Variants in AGBL4 observed in about 807,000 individuals in gnomAD.
AGBL4 encodes the protein cytosolic carboxypeptidase 6.
A neutral mutation model predicts 66.4 loss-of-function variants in AGBL4; 58 were observed. That is an observed-to-expected ratio of 0.87 (90% CI 0.71 to 1.09). AGBL4 has a LOEUF of 1.09. Ranked by LOEUF, AGBL4 falls within the 50% of genes least tolerant of loss-of-function variation. The pLI is 0.00. For missense variants in AGBL4, 579 were observed against 631.0 expected, an observed-to-expected ratio of 0.92 and a Z score of 0.88; for synonymous variants, 234 against 222.9, an observed-to-expected ratio of 1.05 and a Z score of -0.44.
At chr1:48,591,057 CTA>C in intron 9 of AGBL4, 72 bp from the exon 10 acceptor site, 1 of 1,324,850 alleles carries the variant, frequency 7.5e-7, no homozygotes, top group Non-Finnish European at 1.0e-6. Flanking sequence ...AGACACTACA[CTA>C]CACACACACA....
At chr1:48,664,596 G>T (rs773315078) in intron 6 of AGBL4, among the ~76,000 whole-genome samples, 23 of 149,856 alleles carry the variant, frequency 1.5e-4, no homozygotes, top group Non-Finnish European at 2.7e-4. Context: ...GAGAGTCAAA[G>T]CAATGTATAA....
intron 3 of AGBL4, among the ~76,000 whole-genome samples, chr1:49,371,284 CAT>C (rs35202273): frequency 3.3e-5 from 5 of 151,864 alleles, no homozygotes; most frequent in East Asian, 1.9e-4. Context: ...TACATACATA[CAT>C]ACACACACAC....
chr1:48,654,567 C>A (rs748880665), intron 7 of AGBL4, among the ~76,000 whole-genome samples: 1 of 152,208 alleles, frequency 6.6e-6, no homozygotes, highest in Non-Finnish European at 1.5e-5. Context: ...GGGCCCCGTT[C>A]CTGCTGGAGA....
At chr1:48,823,956 ATGG>A (rs1414948128) in intron 6 of AGBL4, among the ~76,000 whole-genome samples, 1 of 151,804 alleles carries the variant, frequency 6.6e-6, no homozygotes, top group Non-Finnish European at 1.5e-5. Context: ...AGAGAAAAGG[ATGG>A]TGGGACAAAA....
intron 3 of AGBL4, among the ~76,000 whole-genome samples, chr1:49,673,513 C>T (rs996304699): frequency 2.6e-5 from 4 of 152,106 alleles, no homozygotes; most frequent in African/African-American, 7.2e-5. Flanking sequence ...CCCCATTCTT[C>T]GTGATGTGCT....
At chr1:49,801,125 G>C (rs1444129637) in intron 2 of AGBL4, among the ~76,000 whole-genome samples, 2 of 152,144 alleles carry the variant, frequency 1.3e-5, no homozygotes, top group Non-Finnish European at 1.5e-5. Context: ...CTGGCCATCA[G>C]AGAAATGCAA....
At chr1:48,746,056 C>T (rs1399785735) in intron 6 of AGBL4, among the ~76,000 whole-genome samples, 1 of 152,144 alleles carries the variant, frequency 6.6e-6, no homozygotes, top group Non-Finnish European at 1.5e-5. Flanking sequence ...ACATTCTATC[C>T]TCAAGAGATA....
intron 2 of AGBL4, among the ~76,000 whole-genome samples, chr1:49,721,511 G>A (rs149648577): frequency 8.3e-4 from 127 of 152,196 alleles, no homozygotes; most frequent in African/African-American, 2.9e-3. Context: ...ATAATGCAAG[G>A]GATATTAGGA....
intron 6 of AGBL4, among the ~76,000 whole-genome samples, chr1:48,796,628 C>T (rs1288582668): frequency 3.3e-5 from 5 of 152,182 alleles, no homozygotes; most frequent in Non-Finnish European, 5.9e-5. Flanking sequence ...TGAGTACCCA[C>T]GTTCATCTGC....
intron 5 of AGBL4, among the ~76,000 whole-genome samples, chr1:48,928,240 C>T (rs953582363): frequency 1.2e-4 from 18 of 152,136 alleles, no homozygotes; most frequent in African/African-American, 4.3e-4. Context: ...CTTCCAGTAG[C>T]TAGAATGAAA....
chr1:48,715,331 C>G lies in AGBL4; in HGVS notation c.635-52090G>C, dbSNP rs544676601. ...CTTCTTGATGTCCCTGAGTGTCCCA[C>G]ATGGCTTCAATCCAGCCCAGTAACA... On this transcript the variant is annotated intron_variant, in intron 6 of 13. Transcript: ENST00000371839. 2.0e-5 allele frequency among the ~76,000 whole-genome samples: 3 copies of G among 152,350 alleles called. No individual in the cohort carries two copies. In the East Asian group the frequency reaches 5.8e-4, roughly 29 times the overall value.
chr1:49,577,205 C>G (rs1232942361), intron 3 of AGBL4, among the ~76,000 whole-genome samples: 1 of 152,174 alleles, frequency 6.6e-6, no homozygotes, highest in Non-Finnish European at 1.5e-5. Flanking sequence ...GTGACCTCAG[C>G]AGAGGAGGAT....
At chr1:49,723,204 G>C (rs1648742991) in intron 2 of AGBL4, among the ~76,000 whole-genome samples, 2 of 151,840 alleles carry the variant, frequency 1.3e-5, no homozygotes, top group African/African-American at 4.8e-5. Context: ...TGTTTTCCCA[G>C]AGCACTCAAC....
chr1:49,852,731 A>C (rs1377335916), intron 1 of AGBL4, among the ~76,000 whole-genome samples: 1 of 152,170 alleles, frequency 6.6e-6, no homozygotes. Flanking sequence ...ATTCATCACT[A>C]TAAATGGATA....
intron 1 of AGBL4, among the ~76,000 whole-genome samples, chr1:49,858,710 C>T (rs1311222963): frequency 2.6e-5 from 4 of 152,062 alleles, no homozygotes; most frequent in South Asian, 2.1e-4. Context: ...ACACCTAACA[C>T]CACCACTTGA....
chr1:50,021,263 C>A (rs866996995), intron 1 of AGBL4, among the ~76,000 whole-genome samples: 1 of 152,164 alleles, frequency 6.6e-6, no homozygotes, highest in South Asian at 2.1e-4. Flanking sequence ...AATATTGCAG[C>A]TACTCAACAC....
intron 5 of AGBL4, among the ~76,000 whole-genome samples, chr1:48,965,152 A>G (rs1658315032): frequency 6.6e-6 from 1 of 152,174 alleles, no homozygotes; most frequent in Admixed American, 6.5e-5. Flanking sequence ...GTTCTAAGAT[A>G]TAAACAGGTA....
chr1:49,790,542 A>T (rs979705303), intron 2 of AGBL4, among the ~76,000 whole-genome samples: 23 of 152,160 alleles, frequency 1.5e-4, no homozygotes, highest in Admixed American at 1.2e-3. Flanking sequence ...GTGATAATAA[A>T]TAACAGTTGA....
intron 5 of AGBL4, among the ~76,000 whole-genome samples, chr1:49,040,944 G>C (rs1439412542): frequency 1.3e-5 from 2 of 151,988 alleles, no homozygotes; most frequent in Non-Finnish European, 1.5e-5. Flanking sequence ...CCTCAATAAA[G>C]CTATTAAAAC....
Sources: allele counts gnomAD v4.1 joint callset (sites outside exome capture counted in the v4.1 genomes callset), GRCh38; gene constraint gnomAD v4.1.1; transcripts MANE v1.5; gene names NCBI Gene and HGNC (gene_info 2026-07-23, HGNC 2026-07-21).